Variants in FRYL observed in about 807,000 individuals in gnomAD.
FRYL encodes protein furry homolog-like.
In FRYL, 150 loss-of-function variants were observed where a neutral mutation model predicts 351.2. That is an observed-to-expected ratio of 0.43 (90% CI 0.37 to 0.49). The LOEUF (loss-of-function observed/expected upper bound fraction) is 0.49. Among genes scored for constraint, FRYL ranks in the 20% least tolerant of loss-of-function variants. FRYL has a pLI of 0.00. For synonymous variants in FRYL, 1,153 were observed against 1,257.1 expected (o/e 0.92, Z 1.75); for missense variants, 3,036 against 3,619.3 (o/e 0.84, Z 4.13).
chr4:48,632,069 AAAAAAAAAAAAAAAAAAAAAAAATATAT>A (rs1753092150), intron 4 of FRYL, among the ~76,000 whole-genome samples: 1 of 28,338 alleles, frequency 3.5e-5, no homozygotes, highest in Non-Finnish European at 7.1e-5. Context: ...AAAAAAAAAA[AAAAAAAAAAAAAAAAAAAAAAAATATAT>A]ATATATATAT....
At chr4:48,716,638 A>G (rs550648475) in intron 1 of FRYL, among the ~76,000 whole-genome samples, 33 of 151,688 alleles carry the variant, frequency 2.2e-4, no homozygotes, top group African/African-American at 7.5e-4. Context: ...GCTGGAGAGG[A>G]TGTGGAGAAA....
chr4:48,745,593 G>A (rs1772582744), intron 1 of FRYL, among the ~76,000 whole-genome samples: 2 of 152,102 alleles, frequency 1.3e-5, no homozygotes, highest in African/African-American at 2.4e-5. Flanking sequence ...TCACACACCG[G>A]GGCCTGTTGT....
In FRYL at chr4:48,602,134, G is replaced by T; in HGVS notation, c.934-13C>A. On this transcript the variant is annotated splice_polypyrimidine_tract_variant and intron_variant, in intron 12 of 63. Coordinates refer to ENST00000358350, the MANE Select transcript of FRYL (RefSeq NM_015030.2). ...GTGGATATAAAGCCTATAGGAGACGGGGAAAAGACAGAATTAACATTTTTC... is the reference window on the plus strand; with the variant it reads ...GTGGATATAAAGCCTATAGGAGACGTGGAAAAGACAGAATTAACATTTTTC... 3.0e-6 allele frequency: 4 copies of T among 1,312,694 alleles called. No homozygotes were observed. The highest frequency in any genetic ancestry group is 2.3e-5 in the East Asian group (1 of 43,134). 81.3% of individuals were successfully genotyped at this position (1,312,694 alleles called of 1,614,324 possible).
chr4:48,550,695 G>C lies in FRYL; in HGVS notation c.4530C>G (p.His1510Gln). ...IKENIEESYV[H>Q]LDIYSGLNSH... ...TGTTTAGTCCACTGTAAATGTCCAGGTGCACATAGCTATGGGAATGATCAC... is the reference window on the plus strand; with the variant it reads ...TGTTTAGTCCACTGTAAATGTCCAGCTGCACATAGCTATGGGAATGATCAC... Residue 1510 changes from histidine (H) to glutamine (Q), a missense_variant, in exon 38 of 64, where the codon CAC becomes CAG. Physicochemically the swap from His to Gln is conservative, Grantham distance 24. This residue lies in a region of FRYL where 1,987 missense variants were observed against 2,311.7 expected (regional missense o/e 0.86). Transcript: ENST00000358350. The C allele has an allele frequency of 6.2e-7, 1 of 1,609,268 alleles. No homozygotes were observed. Among genetic ancestry groups the C allele is most frequent in the East Asian group, 2.2e-5 (1 of 44,838 alleles).
At chr4:48,729,194 A>AGGT (rs1219558686) in intron 1 of FRYL, among the ~76,000 whole-genome samples, 1 of 152,086 alleles carries the variant, frequency 6.6e-6, no homozygotes, top group Non-Finnish European at 1.5e-5. Context: ...ACACTTGAGT[A>AGGT]GGTGGTTCTA....
At chr4:48,691,283 A>C (rs1339748595) in intron 2 of FRYL, among the ~76,000 whole-genome samples, 1 of 152,224 alleles carries the variant, frequency 6.6e-6, no homozygotes, top group Non-Finnish European at 1.5e-5. Flanking sequence ...AAAGACGTTC[A>C]TTGTACTATT....
At chr4:48,612,497 C>T (rs199931835) in intron 7 of FRYL, among the ~76,000 whole-genome samples, 1 of 149,968 alleles carries the variant, frequency 6.7e-6, no homozygotes, top group Admixed American at 6.6e-5. Context: ...TGTGTGTGCA[C>T]GTGTGTGTGT....
At position 48,565,721 on chromosome 4, in the gene FRYL, A is replaced by C. The variant is rs1736622864; in HGVS notation, c.3170-30T>G. On this transcript the variant is annotated intron_variant, in intron 28 of 63. Transcript: ENST00000358350. ...GAATAAAAAAAGATAGAAAACATTTATTTCCATTTCTTTTTGCTTTAACTT... is the reference window on the plus strand; with the variant it reads ...GAATAAAAAAAGATAGAAAACATTTCTTTCCATTTCTTTTTGCTTTAACTT... 4 of 1,589,646 alleles carry C rather than the reference A, an allele frequency of 2.5e-6. No homozygotes were observed. The East Asian group carries it at 8.9e-5, about 36-fold the overall frequency.
At chr4:48,516,155 T>C (rs1398212359) in intron 55 of FRYL, among the ~76,000 whole-genome samples, 1 of 152,202 alleles carries the variant, frequency 6.6e-6, no homozygotes, top group Non-Finnish European at 1.5e-5. Context: ...TAGGACACTT[T>C]AGATAATTAT....
intron 13 of FRYL, among the ~76,000 whole-genome samples, chr4:48,599,464 T>C (rs1745264811): frequency 1.2e-3 from 1 of 830 alleles, no homozygotes; most frequent in African/African-American, 1.6e-3. Context: ...GTATGGTAAT[T>C]TTTTAAAACT....
intron 48 of FRYL, among the ~76,000 whole-genome samples, chr4:48,535,454 A>G (rs1728660435): frequency 6.6e-6 from 1 of 152,068 alleles, no homozygotes; most frequent in South Asian, 2.1e-4. Context: ...TTTTATCTTA[A>G]AAAATTGTTA....
chr4:48,590,374 C>T (rs1036484440), intron 17 of FRYL, among the ~76,000 whole-genome samples: 3 of 151,958 alleles, frequency 2.0e-5, no homozygotes, highest in African/African-American at 7.3e-5. Context: ...GTCCCAGCGA[C>T]TTGGGAGGCT....
At chr4:48,569,310 T>C (rs1166048290) in intron 27 of FRYL, among the ~76,000 whole-genome samples, 3 of 151,864 alleles carry the variant, frequency 2.0e-5, no homozygotes, top group Non-Finnish European at 2.9e-5. Context: ...TCTTTCTTTC[T>C]TTTTTTTTCT....
intron 7 of FRYL, among the ~76,000 whole-genome samples, chr4:48,614,721 C>CCA (rs1749010744): frequency 2.1e-5 from 1 of 47,124 alleles, no homozygotes; most frequent in Non-Finnish European, 3.4e-5. Context: ...GACTCCATCT[C>CCA]AAAAAAAAAA....
intron 3 of FRYL, among the ~76,000 whole-genome samples, chr4:48,647,113 T>G (rs548053885): frequency 1.3e-5 from 2 of 152,196 alleles, no homozygotes; most frequent in South Asian, 4.2e-4. Context: ...TACCAATAAT[T>G]ACAGATGGAG....
At chr4:48,649,243 CA>C (rs887162976) in intron 3 of FRYL, among the ~76,000 whole-genome samples, 82 of 147,390 alleles carry the variant, frequency 5.6e-4, no homozygotes, top group African/African-American at 1.7e-3. Context: ...TTTTACAATC[CA>C]AAAAAAAAAT....
chr4:48,738,665 CTTTT>C (rs748249556), intron 1 of FRYL, among the ~76,000 whole-genome samples: 1 of 132,814 alleles, frequency 7.5e-6, no homozygotes. Context: ...ACATGGCTAA[CTTTT>C]TTTTTTTTTT....
In FRYL at chr4:48,657,353, C is replaced by CTTTTTT. The variant is rs371640944; in HGVS notation, c.-80-22869_-80-22864dup. ...GCCCAGCTGATTTTTCTTTTCTTTT[C>CTTTTTT]TTTTTTTTTTTTTTTTTTTGGAGAA... On this transcript the variant is annotated intron_variant, in intron 3 of 63. Coordinates refer to ENST00000358350, the MANE Select transcript of FRYL (RefSeq NM_015030.2). 1.4e-3 allele frequency among the ~76,000 whole-genome samples: 165 copies of CTTTTTT among 122,212 alleles called. 2 individuals are homozygous for CTTTTTT. Among genetic ancestry groups the CTTTTTT allele is most frequent in the Non-Finnish European group, 2.0e-3 (120 of 60,274 alleles). 80.2% of individuals were successfully genotyped at this position (122,212 alleles called of 152,430 possible).
At chr4:48,508,466 T>C (rs1721771040) in intron 59 of FRYL, among the ~76,000 whole-genome samples, 1 of 152,214 alleles carries the variant, frequency 6.6e-6, no homozygotes, top group Non-Finnish European at 1.5e-5. Flanking sequence ...GTACAGCATA[T>C]CTTTAGACAG....
Sources: gnomAD v4.1 joint callset for allele counts (sites outside exome capture counted in the v4.1 genomes callset) on GRCh38, gnomAD v4.1.1 for gene constraint, gnomAD v4.1.1 regional missense constraint, MANE v1.5 for transcripts, NCBI Gene and HGNC (gene_info 2026-07-23, HGNC 2026-07-21) for gene names.